Variants in MGAT4A observed in about 807,000 individuals in gnomAD.
The protein encoded by MGAT4A is alpha-1,3-mannosyl-glycoprotein 4-beta-N-acetylglucosaminyltransferase A.
In MGAT4A, 33 loss-of-function variants were observed where a neutral mutation model predicts 74.1. The observed-to-expected ratio is 0.45, with a 90% CI of 0.34 to 0.60. The LOEUF is 0.60. Ranked by LOEUF, MGAT4A falls within the 20% of genes least tolerant of loss-of-function variation. The pLI is 0.02. For missense variants in MGAT4A, 479 were observed against 628.3 expected, an observed-to-expected ratio of 0.76 and a Z score of 2.54; for synonymous variants, 198 against 210.4, an observed-to-expected ratio of 0.94 and a Z score of 0.51.
intron 2 of MGAT4A, among the ~76,000 whole-genome samples, chr2:98,715,996 A>T (rs1002422708): frequency 6.6e-6 from 1 of 152,200 alleles, no homozygotes; most frequent in African/African-American, 2.4e-5. Flanking sequence ...ACACATCAAC[A>T]TCACACACCT....
intron 4 of MGAT4A, among the ~76,000 whole-genome samples, chr2:98,664,200 C>CAAAAAAAAAAAAAAAAAAA (rs57981145): frequency 1.9e-5 from 1 of 51,444 alleles, no homozygotes; most frequent in Non-Finnish European, 3.6e-5. Flanking sequence ...GATTCCATCT[C>CAAAAAAAAAAAAAAAAAAA]AAAAAAAAAA....
intron 2 of MGAT4A, among the ~76,000 whole-genome samples, chr2:98,691,698 C>T (rs1401602419): frequency 6.6e-6 from 1 of 152,184 alleles, no homozygotes; most frequent in East Asian, 1.9e-4. Flanking sequence ...TATACTCCTT[C>T]TGCTCATAGG....
chr2:98,670,173 T>C (rs1439512817), intron 4 of MGAT4A, among the ~76,000 whole-genome samples: 2 of 152,164 alleles, frequency 1.3e-5, no homozygotes, highest in Non-Finnish European at 2.9e-5. Flanking sequence ...AATATGGTCA[T>C]ATCATCCTTT....
intron 14 of MGAT4A, among the ~76,000 whole-genome samples, chr2:98,634,868 G>A (rs190971970): frequency 1.3e-4 from 19 of 151,894 alleles, no homozygotes; most frequent in Admixed American, 1.1e-3. Flanking sequence ...CAGATGTGAC[G>A]CTGGGGAGGA....
intron 2 of MGAT4A, among the ~76,000 whole-genome samples, chr2:98,698,178 C>G (rs1053488061): frequency 1.3e-5 from 2 of 152,134 alleles, no homozygotes; most frequent in Admixed American, 1.3e-4. Flanking sequence ...CTTTGGGAGG[C>G]TAAGAGAGGC....
chr2:98,681,260 C>T (rs960000777), intron 2 of MGAT4A, among the ~76,000 whole-genome samples: 2 of 152,124 alleles, frequency 1.3e-5, no homozygotes, highest in African/African-American at 4.8e-5. Flanking sequence ...GGATTACAGA[C>T]GTGAGCCACC....
At chr2:98,696,848 A>G (rs56375699) in intron 2 of MGAT4A, among the ~76,000 whole-genome samples, 43,352 of 152,168 alleles carry the variant, frequency 0.28, 6,529 homozygotes, top group Non-Finnish European at 0.34. Context: ...ATACCCATAC[A>G]TTAAGAAACG....
At position 98,677,784 on chromosome 2, in the gene MGAT4A, G is replaced by A. The variant is rs375955524; in HGVS notation, c.262+520C>T. Among the ~76,000 whole-genome samples the A allele has an allele frequency of 4.7e-3, 681 of 144,202 alleles. 5 individuals are homozygous for A. Among genetic ancestry groups the A allele is most frequent in the African/African-American group, 0.016 (642 of 39,426 alleles). 94.6% of individuals were successfully genotyped at this position (144,202 alleles called of 152,430 possible). The stretch of plus-strand genomic sequence containing the variant: ...ACTTAATATGACTCTCTTAAAATCA[G>A]ATTTAGCAGGTAATAAATTTTTTTT... On this transcript the variant is annotated intron_variant, in intron 3 of 15. Coordinates refer to ENST00000393487, the MANE Select transcript of MGAT4A (RefSeq NM_012214.3).
At chr2:98,716,175 C>G (rs566126512) in intron 2 of MGAT4A, among the ~76,000 whole-genome samples, 126 of 151,328 alleles carry the variant, frequency 8.3e-4, no homozygotes, top group Non-Finnish European at 1.5e-3. Flanking sequence ...TTGCAATTAG[C>G]CGGGCATGGT....
intron 10 of MGAT4A, among the ~76,000 whole-genome samples, chr2:98,641,615 G>A (rs953947347): frequency 1.9e-4 from 29 of 150,872 alleles, no homozygotes; most frequent in Admixed American, 1.7e-3. Flanking sequence ...GGCGGAGCTT[G>A]CAGTGAGCCG....
At chr2:98,631,174 C>CCTTA (rs1701226336) in intron 14 of MGAT4A, among the ~76,000 whole-genome samples, 1 of 152,244 alleles carries the variant, frequency 6.6e-6, no homozygotes, top group Non-Finnish European at 1.5e-5. Context: ...ACGCTCTACT[C>CCTTA]TTCTAACCCC....
At chr2:98,646,270 C>T (rs1261214200) in intron 8 of MGAT4A, among the ~76,000 whole-genome samples, 3 of 151,830 alleles carry the variant, frequency 2.0e-5, no homozygotes, top group African/African-American at 7.3e-5. Flanking sequence ...AAAAACAAGA[C>T]AATAGCAATG....
At chr2:98,643,183 TA>T (rs948224007) in intron 10 of MGAT4A, among the ~76,000 whole-genome samples, 1 of 151,958 alleles carries the variant, frequency 6.6e-6, no homozygotes, top group East Asian at 1.9e-4. Flanking sequence ...TTACTCTTTT[TA>T]AAAAAAAATC....
At chr2:98,687,531 G>C (rs747610104) in intron 2 of MGAT4A, among the ~76,000 whole-genome samples, 8 of 151,724 alleles carry the variant, frequency 5.3e-5, no homozygotes, top group Non-Finnish European at 4.4e-5. Context: ...CTTTCCTTTT[G>C]CTCATTCATT....
At position 98,655,507 on chromosome 2, in the gene MGAT4A, G is replaced by C; in HGVS notation, c.712C>G (p.Gln238Glu). Residue 238 changes from glutamine to glutamate, a missense_variant, in exon 8 of 16, where the codon CAA (glutamine) becomes GAA (glutamate). Around this residue, in one of 3 missense-constraint regions of MGAT4A, gnomAD observed 38 missense variants for 87.4 expected, o/e 0.43. Coordinates refer to ENST00000393487, the MANE Select transcript of MGAT4A (RefSeq NM_012214.3). ...SKERVRWRTK[Q>E]NLDYCFLMMY... ...ATTAGAAAACAGTAATCTAGGTTTT[G>C]CTTTGTTCTCCATCTGAAATAAACA... is the stretch of plus-strand genomic sequence containing the variant. 6.2e-7 allele frequency: 1 copy of C among 1,609,890 alleles called. No homozygotes were observed. The highest frequency in any genetic ancestry group is 8.5e-7 in the Non-Finnish European group (1 of 1,177,160).
intron 2 of MGAT4A, among the ~76,000 whole-genome samples, chr2:98,715,652 G>A (rs1702582098): frequency 6.6e-6 from 1 of 152,192 alleles, no homozygotes; most frequent in Non-Finnish European, 1.5e-5. Flanking sequence ...AGGGTGGAGG[G>A]TGTGAGGAGG....
intron 14 of MGAT4A, among the ~76,000 whole-genome samples, chr2:98,631,545 G>C (rs1701232994): frequency 6.6e-6 from 1 of 152,252 alleles, no homozygotes; most frequent in African/African-American, 2.4e-5. Flanking sequence ...GACGTGGAGG[G>C]GAAGGAAGCA....
chr2:98,708,626 C>T (rs907074034), intron 2 of MGAT4A, among the ~76,000 whole-genome samples: 1 of 152,210 alleles, frequency 6.6e-6, no homozygotes, highest in African/African-American at 2.4e-5. Flanking sequence ...AATGTAGATG[C>T]TTCCATTTAA....
chr2:98,619,196 C>A lies in MGAT4A; in HGVS notation c.*6370G>T, dbSNP rs1353160974. On this transcript the variant is annotated 3_prime_UTR_variant, in exon 16 of 16. Transcript: ENST00000393487. ...TTCAAATACACATGAACGGTCGTGG[C>A]ACAGAGAAACAGTGATGAAGGCACA... 6.6e-6 allele frequency: 1 copy of A among 152,496 alleles called. No individual in the cohort carries two copies. Among genetic ancestry groups the A allele is most frequent in the Non-Finnish European group, 1.5e-5 (1 of 68,014 alleles). 9.4% of individuals were successfully genotyped at this position (152,496 alleles called of 1,614,324 possible). A position where few individuals can be genotyped will look rare whatever the true frequency, so the allele number is the denominator to read the frequency against.
Sources: allele counts gnomAD v4.1 joint callset (sites outside exome capture counted in the v4.1 genomes callset), GRCh38; gene constraint gnomAD v4.1.1; regional missense constraint gnomAD v4.1.1; transcripts MANE v1.5; gene names NCBI Gene and HGNC (gene_info 2026-07-23, HGNC 2026-07-21).